SPAG16: variants seen among roughly 807,000 people sequenced by gnomAD.
SPAG16 encodes sperm-associated antigen 16 protein.
SPAG16 carries 86 observed loss-of-function variants against 80.4 expected under a neutral mutation model. The observed-to-expected ratio is 1.07, with a 90% CI of 0.90 to 1.28. The LOEUF (loss-of-function observed/expected upper bound fraction) is 1.28. SPAG16 is among the 50% of genes most tolerant of loss of function. SPAG16 has a pLI of 0.00. For missense variants in SPAG16, 870 were observed against 765.3 expected (o/e 1.14, Z -1.61); for synonymous variants, 294 against 265.9 (o/e 1.11, Z -1.03).
intron 12 of SPAG16, among the ~76,000 whole-genome samples, chr2:213,937,362 G>A: frequency 6.6e-6 from 1 of 151,928 alleles, no homozygotes; most frequent in East Asian, 1.9e-4. Flanking sequence ...TCTTATACTT[G>A]AAAGGGCACC....
intron 15 of SPAG16, among the ~76,000 whole-genome samples, chr2:214,266,451 T>C (rs1162993996): frequency 6.6e-6 from 1 of 151,798 alleles, no homozygotes; most frequent in African/African-American, 2.4e-5. Context: ...CTCAACAAAT[T>C]AGATATAGAA....
At chr2:213,468,670 G>GTA (rs541436096) in intron 9 of SPAG16, among the ~76,000 whole-genome samples, 2,019 of 145,702 alleles carry the variant, frequency 0.014, 24 homozygotes, top group South Asian at 0.035. Flanking sequence ...GTGTGTGTGT[G>GTA]TATATATATG....
At chr2:213,586,946 C>T (rs1393160259) in intron 10 of SPAG16, among the ~76,000 whole-genome samples, 2 of 152,176 alleles carry the variant, frequency 1.3e-5, no homozygotes. Flanking sequence ...GAAGCCCCAC[C>T]CTTGTAGTGT....
intron 14 of SPAG16, among the ~76,000 whole-genome samples, chr2:214,139,765 CT>C: frequency 6.6e-6 from 1 of 152,226 alleles, no homozygotes; most frequent in South Asian, 2.1e-4. Flanking sequence ...TTAAATAGGG[CT>C]TTTTTGAGGC....
chr2:214,410,455 AT>A lies in SPAG16; in HGVS notation c.*144del. The A allele has an allele frequency of 1.4e-6, 1 of 703,782 alleles. No individual in the cohort carries two copies. Among genetic ancestry groups the A allele is most frequent in the Non-Finnish European group, 2.2e-6 (1 of 450,720 alleles). The allele number at this position is 703,782 out of a possible 1,614,324, so 43.6% of individuals were successfully genotyped here. A position where few individuals can be genotyped will look rare whatever the true frequency, so the allele number is the denominator to read the frequency against. ...GCTTTAAAACATGCTTTGGACATAT[AT>A]TTTAGTGCTCATACTGTTACTAATA... On this transcript the variant is annotated 3_prime_UTR_variant, in exon 16 of 16. Coordinates refer to ENST00000331683, the MANE Select transcript of SPAG16 (RefSeq NM_024532.5).
chr2:214,303,683 A>C (rs1194488149), intron 15 of SPAG16, among the ~76,000 whole-genome samples: 1 of 152,258 alleles, frequency 6.6e-6, no homozygotes, highest in Non-Finnish European at 1.5e-5. Flanking sequence ...AGATCCGATA[A>C]ATTTTCCTAA....
At chr2:213,536,559 T>G (rs1342742968) in intron 10 of SPAG16, among the ~76,000 whole-genome samples, 3 of 152,328 alleles carry the variant, frequency 2.0e-5, no homozygotes, top group East Asian at 3.9e-4. Context: ...TGGTTTTGAT[T>G]TGCATTTCTC....
chr2:214,169,364 G>T (rs144516595), intron 15 of SPAG16, among the ~76,000 whole-genome samples: 1 of 152,022 alleles, frequency 6.6e-6, no homozygotes, highest in African/African-American at 2.4e-5. Context: ...AAAGTGTTGC[G>T]CTTAAAAGTG....
chr2:213,501,983 C>A (rs1396763995), intron 10 of SPAG16, among the ~76,000 whole-genome samples: 1 of 152,168 alleles, frequency 6.6e-6, no homozygotes, highest in East Asian at 1.9e-4. Context: ...GGCTATTAAC[C>A]AAAGTGGTTT....
intron 15 of SPAG16, among the ~76,000 whole-genome samples, chr2:214,296,633 A>G (rs1052031893): frequency 1.3e-5 from 2 of 152,142 alleles, no homozygotes; most frequent in African/African-American, 4.8e-5. Context: ...CATTTCTCTG[A>G]TGATTAGTGA....
intron 5 of SPAG16, among the ~76,000 whole-genome samples, chr2:213,323,804 A>G (rs982174860): frequency 7.2e-5 from 11 of 152,222 alleles, no homozygotes; most frequent in African/African-American, 2.7e-4. Flanking sequence ...CTTTAAAAAG[A>G]GGGAAATTCT....
intron 13 of SPAG16, among the ~76,000 whole-genome samples, chr2:214,084,719 T>C (rs2051607906): frequency 6.6e-6 from 1 of 152,224 alleles, no homozygotes; most frequent in South Asian, 2.1e-4. Flanking sequence ...ATTCCCTACT[T>C]CAATAAGTGA....
chr2:214,330,119 A>G (rs931498033), intron 15 of SPAG16, among the ~76,000 whole-genome samples: 1 of 151,402 alleles, frequency 6.6e-6, no homozygotes, highest in Non-Finnish European at 1.5e-5. Context: ...ATAGAAAAAA[A>G]AAAAAAAAGT....
chr2:213,797,600 G>A (rs1323283668), intron 10 of SPAG16, among the ~76,000 whole-genome samples: 1 of 152,192 alleles, frequency 6.6e-6, no homozygotes, highest in Non-Finnish European at 1.5e-5. Flanking sequence ...CTAGGTTTGT[G>A]TAAGTACACT....
chr2:213,985,569 A>G (rs531328433), intron 12 of SPAG16, among the ~76,000 whole-genome samples: 19 of 152,162 alleles, frequency 1.2e-4, no homozygotes, highest in Admixed American at 9.8e-4. Flanking sequence ...TGATACTTTA[A>G]AGCACTTTCT....
chr2:214,086,413 A>G, intron 13 of SPAG16, among the ~76,000 whole-genome samples: 1 of 152,140 alleles, frequency 6.6e-6, no homozygotes, highest in Non-Finnish European at 1.5e-5. Flanking sequence ...AAATCTCATC[A>G]TGAATTGTAA....
intron 10 of SPAG16, among the ~76,000 whole-genome samples, chr2:213,682,926 A>G (rs914267002): frequency 2.6e-4 from 40 of 152,068 alleles, no homozygotes; most frequent in Admixed American, 2.5e-3. Flanking sequence ...ATTTGATTCA[A>G]CTGCTTAGAA....
chr2:213,519,018 A>G (rs2075556402), intron 10 of SPAG16, among the ~76,000 whole-genome samples: 1 of 152,226 alleles, frequency 6.6e-6, no homozygotes, highest in Non-Finnish European at 1.5e-5. Context: ...AGAACTAAAC[A>G]TTGAGCACAC....
At chr2:213,472,308 T>A (rs2073123472) in intron 9 of SPAG16, among the ~76,000 whole-genome samples, 1 of 152,106 alleles carries the variant, frequency 6.6e-6, no homozygotes, top group Non-Finnish European at 1.5e-5. Context: ...GGAGATGTGT[T>A]AATTTTCTCA....
Sources: gnomAD v4.1 joint callset for allele counts (sites outside exome capture counted in the v4.1 genomes callset) on GRCh38, gnomAD v4.1.1 for gene constraint, MANE v1.5 for transcripts, NCBI Gene and HGNC (gene_info 2026-07-23, HGNC 2026-07-21) for gene names.